Variants in TULP3 observed in about 807,000 individuals in gnomAD.
TULP3 encodes tubby-related protein 3.
In TULP3, 38 loss-of-function variants were observed where a neutral mutation model predicts 50.7. The ratio of observed to expected loss-of-function variants is 0.75; its 90% confidence interval spans 0.58 to 0.98. The LOEUF (loss-of-function observed/expected upper bound fraction) is 0.98, where lower values mean the gene tolerates loss of function less well. Among genes scored for constraint, TULP3 ranks in the 50% least tolerant of loss-of-function variants. TULP3 has a pLI of 0.00. For synonymous variants in TULP3, 183 were observed against 196.6 expected (o/e 0.93, Z 0.58); for missense variants, 550 against 568.0 (o/e 0.97, Z 0.32).
chr12:2,894,280 G>A (rs540907349), intron 1 of TULP3, among the ~76,000 whole-genome samples: 10 of 125,074 alleles, frequency 8.0e-5, no homozygotes, highest in Admixed American at 5.0e-4. Flanking sequence ...ATGGGAGGCC[G>A]AGATGGCGGG....
intron 1 of TULP3, among the ~76,000 whole-genome samples, chr12:2,899,627 C>T (rs920298750): frequency 2.4e-4 from 37 of 152,192 alleles, no homozygotes; most frequent in Non-Finnish European, 4.4e-4. Flanking sequence ...GGCGTGGTGG[C>T]TCACGCCTGT....
chr12:2,908,768 A>C (rs895523248), intron 1 of TULP3, among the ~76,000 whole-genome samples: 1 of 152,118 alleles, frequency 6.6e-6, no homozygotes, highest in African/African-American at 2.4e-5. Context: ...TCAGCTGAAG[A>C]CTGGTTTTAT....
At chr12:2,913,930 T>G (rs908310009) in intron 2 of TULP3, among the ~76,000 whole-genome samples, 15 of 152,044 alleles carry the variant, frequency 9.9e-5, no homozygotes, top group Middle Eastern at 6.9e-3. Flanking sequence ...CTTCTAAAAC[T>G]GACGTATAAT....
chr12:2,892,700 C>T (rs1012625634), intron 1 of TULP3, among the ~76,000 whole-genome samples: 2 of 151,854 alleles, frequency 1.3e-5, no homozygotes, highest in Admixed American at 6.6e-5. Flanking sequence ...TTAGTAGAGA[C>T]GGGGCTTCAC....
chr12:2,897,896 T>G (rs2098176473), intron 1 of TULP3, among the ~76,000 whole-genome samples: 2 of 150,966 alleles, frequency 1.3e-5, no homozygotes, highest in African/African-American at 4.9e-5. Flanking sequence ...CTGGGCAGCA[T>G]GGTGAAACCC....
chr12:2,937,523 C>A, intron 8 of TULP3, 108 bp from the exon 9 acceptor site: 1 of 828,462 alleles, frequency 1.2e-6, no homozygotes, highest in Non-Finnish European at 2.0e-6. Flanking sequence ...GCTGATACAG[C>A]TGATATTGTC....
intron 2 of TULP3, among the ~76,000 whole-genome samples, chr12:2,912,929 A>G (rs1056977402): frequency 6.6e-6 from 1 of 152,058 alleles, no homozygotes; most frequent in Non-Finnish European, 1.5e-5. Flanking sequence ...CCTTAGTGCT[A>G]GAGACATAGG....
intron 7 of TULP3, 88 bp from the exon 8 acceptor site, chr12:2,934,359 A>C: frequency 1.3e-6 from 1 of 797,676 alleles, no homozygotes; most frequent in Non-Finnish European, 1.9e-6. Context: ...AAAACAGGCA[A>C]ATAGGCTTCC....
chr12:2,909,578 C>T lies in TULP3; in HGVS notation c.91C>T (p.Gln31Ter). 1.3e-6 allele frequency: 2 copies of T among 1,579,524 alleles called. No homozygotes were observed. Among genetic ancestry groups the T allele is most frequent in the South Asian group, 2.4e-5 (2 of 84,668 alleles). The change falls in exon 2 of 11, where the codon CAG becomes TAG. Residue 31 changes from glutamine to a stop codon, truncating the protein, a stop_gained and splice_region_variant. Coordinates refer to ENST00000448120, the MANE Select transcript of TULP3 (RefSeq NM_003324.5). LOFTEE classifies it high-confidence loss of function. ...GATGCGACAGGCTAAGCTGGATTAT[C>T]AGGTGAGCAGAGTCTCCTCTTTTGA... ...MKMRQAKLDYQRLLLEKRQRK... is the reference protein window; with the variant it reads ...MKMRQAKLDY
intron 1 of TULP3, among the ~76,000 whole-genome samples, chr12:2,896,422 AT>A (rs141716407): frequency 0.013 from 2,044 of 152,300 alleles, 48 homozygotes; most frequent in African/African-American, 0.046. Flanking sequence ...ATACCAGAGA[AT>A]GAAATTCCTG....
At chr12:2,923,817 CAAA>C (rs766470051) in intron 4 of TULP3, among the ~76,000 whole-genome samples, 1 of 135,150 alleles carries the variant, frequency 7.4e-6, no homozygotes, top group Non-Finnish European at 1.6e-5. Context: ...ACAAAAAATG[CAAA>C]AAAAAAAAAA....
chr12:2,919,809 A>G (rs1487768544), intron 2 of TULP3, among the ~76,000 whole-genome samples: 2 of 150,640 alleles, frequency 1.3e-5, no homozygotes, highest in Non-Finnish European at 3.0e-5. Context: ...TCTTGCTACC[A>G]TAGTCTTTAT....
rs1361457975 is a variant in TULP3 at position 2,931,057 on chromosome 12, T to C, written c.513T>C (p.Ser171=). 6.2e-7 allele frequency: 1 copy of C among 1,614,142 alleles called. No individual in the cohort carries two copies. Among genetic ancestry groups the C allele is most frequent in the Admixed American group, 1.7e-5 (1 of 59,998 alleles). ...TTCAGGATACAGGCACTTCCGGTTC[T>C]GCTACTGCCGCCCAACCAGCTGATA... ...QNSTDTGTSG[S]ATAAQPADNL... The change falls in exon 6 of 11, where the codon TCT becomes TCC. Residue 171 remains serine (S), a synonymous_variant. Transcript: ENST00000448120.
Position 2,922,391 on chromosome 12 carries a change from T to A in TULP3, c.383T>A (p.Leu128His). The change falls in exon 4 of 11, where the codon CTC (leucine) becomes CAC (histidine). Residue 128 changes from leucine (L) to histidine (H), a missense_variant. Physicochemically the swap from Leu to His is moderately conservative, Grantham distance 99 (BLOSUM62 -3). Coordinates refer to ENST00000448120, the MANE Select transcript of TULP3 (RefSeq NM_003324.5). ...TASKPGLQER[L>H]QKHDISESVN... The stretch of plus-strand genomic sequence containing the variant: ...TCCAAGCCAGGACTTCAGGAGCGTC[T>A]CCAAAAGCATGGTGAGGACTGGTAA... 1.2e-6 allele frequency: 2 copies of A among 1,612,694 alleles called. No individual in the cohort carries two copies. The highest frequency in any genetic ancestry group is 1.7e-6 in the Non-Finnish European group (2 of 1,179,710).
At chr12:2,905,084 CA>C (rs10666277) in intron 1 of TULP3, among the ~76,000 whole-genome samples, 1 of 141,610 alleles carries the variant, frequency 7.1e-6, no homozygotes, top group Non-Finnish European at 1.5e-5. Context: ...GACTCTGTCT[CA>C]AAAAAAAAAG....
At chr12:2,936,903 C>T (rs879715474) in intron 8 of TULP3, among the ~76,000 whole-genome samples, 2 of 151,470 alleles carry the variant, frequency 1.3e-5, no homozygotes, top group African/African-American at 2.4e-5. Flanking sequence ...GTCAGGAGAT[C>T]GAGACCATCC....
At chr12:2,900,538 T>A (rs930858361) in intron 1 of TULP3, among the ~76,000 whole-genome samples, 1 of 152,162 alleles carries the variant, frequency 6.6e-6, no homozygotes, top group Non-Finnish European at 1.5e-5. Flanking sequence ...CCTTGTCAGC[T>A]GATGTCTTGG....
intron 1 of TULP3, among the ~76,000 whole-genome samples, chr12:2,893,129 C>A (rs992380631): frequency 2.0e-5 from 3 of 151,976 alleles, no homozygotes; most frequent in South Asian, 4.1e-4. Flanking sequence ...TCCAAAACTT[C>A]TGGGATTACA....
In TULP3 at chr12:2,930,306, T is replaced by C. The variant is rs898972526; in HGVS notation, c.453T>C (p.Cys151=). ...CTGATGGAATATCCCAGTCAGCATG[T>C]TTAGAAAGACCCAATTCTGCATCAA... is the stretch of plus-strand genomic sequence containing the variant. ...EETDGISQSA[C]LERPNSASSQ... Residue 151 remains cysteine (C), a synonymous_variant, in exon 5 of 11, where the codon TGT becomes TGC. Transcript: ENST00000448120. The C allele has an allele frequency of 2.5e-6, 4 of 1,612,926 alleles. No homozygotes were observed. The highest frequency in any genetic ancestry group is 3.4e-6 in the Non-Finnish European group (4 of 1,179,412).
Sources: gnomAD v4.1 joint callset for allele counts (sites outside exome capture counted in the v4.1 genomes callset) on GRCh38, gnomAD v4.1.1 for gene constraint, MANE v1.5 for transcripts, NCBI Gene and HGNC (gene_info 2026-07-23, HGNC 2026-07-21) for gene names.